Variants in SBF2 observed in about 807,000 individuals in gnomAD.
SBF2 encodes myotubularin-related protein 13.
Under a neutral mutation model 225.2 loss-of-function variants are expected in SBF2, and 112 were observed. That is an observed-to-expected ratio of 0.50 (90% CI 0.43 to 0.58). The LOEUF (loss-of-function observed/expected upper bound fraction) is 0.58, where lower values mean the gene tolerates loss of function less well. Ranked by LOEUF, SBF2 falls within the 20% of genes least tolerant of loss-of-function variation. The pLI is 0.00. For synonymous variants in SBF2, 763 were observed against 773.3 expected (o/e 0.99, Z 0.22); for missense variants, 1,996 against 2,206.2 (o/e 0.90, Z 1.91).
chr11:9,983,103 G>A (rs1398857085), intron 13 of SBF2, among the ~76,000 whole-genome samples: 1 of 152,224 alleles, frequency 6.6e-6, no homozygotes, highest in Non-Finnish European at 1.5e-5. Flanking sequence ...AATCCGGGTT[G>A]CAGACTTCAC....
chr11:10,124,302 A>G (rs1276542314), intron 2 of SBF2, among the ~76,000 whole-genome samples: 1 of 152,220 alleles, frequency 6.6e-6, no homozygotes, highest in Non-Finnish European at 1.5e-5. Flanking sequence ...TTCCAATGGC[A>G]TACTAGAAAA....
At chr11:10,148,843 G>A (rs558992196) in intron 2 of SBF2, among the ~76,000 whole-genome samples, 1 of 152,284 alleles carries the variant, frequency 6.6e-6, no homozygotes, top group South Asian at 2.1e-4. Context: ...GAAATTCCTT[G>A]TTAAGGCCCT....
chr11:10,050,098 T>G (rs1316755358), intron 2 of SBF2, among the ~76,000 whole-genome samples: 1 of 152,192 alleles, frequency 6.6e-6, no homozygotes, highest in Non-Finnish European at 1.5e-5. Flanking sequence ...GTCATTCATA[T>G]CATTAGCTAA....
chr11:9,965,297 CT>C (rs34056394), intron 14 of SBF2, among the ~76,000 whole-genome samples: 13,271 of 128,796 alleles, frequency 0.1, 410 homozygotes, highest in Non-Finnish European at 0.13. Flanking sequence ...ATGTTTTAAA[CT>C]TTTTTTTTTT....
intron 2 of SBF2, among the ~76,000 whole-genome samples, chr11:10,103,623 T>C (rs1018413747): frequency 1.3e-5 from 2 of 152,232 alleles, no homozygotes; most frequent in Non-Finnish European, 2.9e-5. Flanking sequence ...GGTGATTTTA[T>C]AATCAGCTGT....
At chr11:10,093,676 C>T (rs1030582176) in intron 2 of SBF2, among the ~76,000 whole-genome samples, 1 of 152,168 alleles carries the variant, frequency 6.6e-6, no homozygotes, top group African/African-American at 2.4e-5. Flanking sequence ...TCTAGTCTCC[C>T]ACTAAACTGT....
intron 21 of SBF2, among the ~76,000 whole-genome samples, chr11:9,850,702 C>A (rs954148175): frequency 6.6e-6 from 1 of 152,126 alleles, no homozygotes; most frequent in Non-Finnish European, 1.5e-5. Context: ...AGTTTATATA[C>A]CCAAATGTGA....
chr11:10,103,267 A>G (rs1022817260), intron 2 of SBF2, among the ~76,000 whole-genome samples: 3 of 152,138 alleles, frequency 2.0e-5, no homozygotes, highest in Non-Finnish European at 4.4e-5. Flanking sequence ...TGAAGTATGC[A>G]TTTTTCTGAC....
chr11:10,110,853 A>G (rs1952806150), intron 2 of SBF2, among the ~76,000 whole-genome samples: 1 of 152,178 alleles, frequency 6.6e-6, no homozygotes, highest in African/African-American at 2.4e-5. Flanking sequence ...ACCCAGGAAA[A>G]GAATGTACAC....
chr11:10,153,185 T>C (rs149550070), intron 2 of SBF2, among the ~76,000 whole-genome samples: 207 of 152,236 alleles, frequency 1.4e-3, no homozygotes, highest in African/African-American at 4.5e-3. Context: ...ATGTAAGCAA[T>C]GATAAACTAG....
intron 17 of SBF2, among the ~76,000 whole-genome samples, chr11:9,882,609 C>T (rs957479245): frequency 5.3e-5 from 8 of 151,914 alleles, no homozygotes; most frequent in South Asian, 4.2e-4. Context: ...GAGATCGAGA[C>T]CATCCTGGCT....
chr11:10,237,490 C>T (rs552033024), intron 1 of SBF2, among the ~76,000 whole-genome samples: 1 of 152,284 alleles, frequency 6.6e-6, no homozygotes, highest in African/African-American at 2.4e-5. Flanking sequence ...ACTGCCCAGC[C>T]TCAAATCATC....
chr11:9,854,207 T>C (rs1466868351), intron 19 of SBF2, among the ~76,000 whole-genome samples: 1 of 152,196 alleles, frequency 6.6e-6, no homozygotes, highest in Non-Finnish European at 1.5e-5. Flanking sequence ...CTCTTCCATA[T>C]GTAAGGACCA....
At chr11:9,921,064 CTTTTTTT>C (rs34959264) in intron 16 of SBF2, among the ~76,000 whole-genome samples, 20 of 85,892 alleles carry the variant, frequency 2.3e-4, no homozygotes, top group African/African-American at 5.8e-4. Context: ...CTGAAAACTT[CTTTTTTT>C]TTTTTTTTTT....
chr11:9,998,509 T>C (rs1237726947), intron 8 of SBF2, 130 bp from the exon 9 acceptor site: 3 of 619,894 alleles, frequency 4.8e-6, no homozygotes, highest in Non-Finnish European at 8.5e-6. Flanking sequence ...TCCATAGTAG[T>C]AGAATTCTGG....
chr11:10,202,630 CA>C (rs1006755826), intron 1 of SBF2, among the ~76,000 whole-genome samples: 1 of 151,696 alleles, frequency 6.6e-6, no homozygotes, highest in African/African-American at 2.4e-5. Flanking sequence ...CTAAAAATAA[CA>C]AAAAAAATTA....
intron 1 of SBF2, among the ~76,000 whole-genome samples, chr11:10,246,812 T>A (rs1959841508): frequency 6.6e-6 from 1 of 152,190 alleles, no homozygotes; most frequent in Non-Finnish European, 1.5e-5. Context: ...TGGTGGGTCA[T>A]GCCTGTAATC....
At chr11:10,230,465 T>C (rs1958792136) in intron 1 of SBF2, among the ~76,000 whole-genome samples, 1 of 152,226 alleles carries the variant, frequency 6.6e-6, no homozygotes, top group Non-Finnish European at 1.5e-5. Flanking sequence ...TTCCTTTCCA[T>C]GTTTAGTGCT....
chr11:9,805,826 G>A (rs531323604), intron 32 of SBF2, among the ~76,000 whole-genome samples: 1 of 152,154 alleles, frequency 6.6e-6, no homozygotes, highest in South Asian at 2.1e-4. Flanking sequence ...GTTTCACCAT[G>A]TTGGCCAGGA....
Sources: allele counts gnomAD v4.1 joint callset (sites outside exome capture counted in the v4.1 genomes callset), GRCh38; gene constraint gnomAD v4.1.1; transcripts MANE v1.5; gene names NCBI Gene and HGNC (gene_info 2026-07-23, HGNC 2026-07-21).